Variants in ADGRV1 observed in about 807,000 individuals in gnomAD.
The protein encoded by ADGRV1 is G-protein coupled receptor 98.
ADGRV1 carries 359 observed loss-of-function variants against 596.2 expected under a neutral mutation model. The ratio of observed to expected loss-of-function variants is 0.60; its 90% CI spans 0.55 to 0.66. ADGRV1 has a LOEUF of 0.66. Ranked by LOEUF, ADGRV1 falls within the 30% of genes least tolerant of loss-of-function variation. The probability of loss-of-function intolerance (pLI) is 0.00; values close to 1 mark genes in which losing one functional copy is unlikely to be tolerated. For missense variants in ADGRV1, 7,274 were observed against 7,575.6 expected, an observed-to-expected ratio of 0.96 and a Z score of 1.48; for synonymous variants, 2,681 against 2,679.2, an observed-to-expected ratio of 1.00 and a Z score of -0.02.
chr5:90,883,130 T>C (rs1415332204), intron 83 of ADGRV1, among the ~76,000 whole-genome samples: 2 of 152,216 alleles, frequency 1.3e-5, no homozygotes, highest in Non-Finnish European at 2.9e-5. Context: ...TGAATTGATT[T>C]TGTTTGTTCA....
rs558466658 is a variant in ADGRV1 at position 90,879,118 on chromosome 5, G to A, written c.17856+15261G>A. ...CAGTCTGCATGCAAAAGGAAGGAAG[G>A]AGAACATCTACTAGCAAAAGCTGAA... On this transcript the variant is annotated intron_variant, in intron 83 of 89. Coordinates refer to ENST00000405460, the MANE Select transcript of ADGRV1 (RefSeq NM_032119.4). 7.2e-5 allele frequency among the ~76,000 whole-genome samples: 11 copies of A among 152,282 alleles called. No homozygotes were observed. The South Asian group carries it at 2.3e-3, about 32-fold the overall frequency.
At chr5:90,895,689 A>T (rs533322415) in intron 83 of ADGRV1, among the ~76,000 whole-genome samples, 1 of 152,210 alleles carries the variant, frequency 6.6e-6, no homozygotes, top group Non-Finnish European at 1.5e-5. Context: ...ACTGAGGAGA[A>T]TGCCATTATT....
At chr5:90,991,124 G>A (rs1042639072) in intron 85 of ADGRV1, among the ~76,000 whole-genome samples, 2 of 152,082 alleles carry the variant, frequency 1.3e-5, no homozygotes, top group African/African-American at 4.8e-5. Context: ...ACAGAGGTGA[G>A]AGGACAATGA....
At chr5:91,027,487 A>G (rs1319789611) in intron 85 of ADGRV1, among the ~76,000 whole-genome samples, 3 of 152,142 alleles carry the variant, frequency 2.0e-5, no homozygotes, top group Non-Finnish European at 4.4e-5. Flanking sequence ...GAAACAGCAT[A>G]AGAAGGAAAG....
intron 87 of ADGRV1, among the ~76,000 whole-genome samples, chr5:91,137,174 C>T (rs1794710350): frequency 6.6e-6 from 1 of 151,566 alleles, no homozygotes; most frequent in Admixed American, 6.6e-5. Context: ...TGACCTTGAA[C>T]TCCTGGGCTC....
chr5:90,968,199 G>C (rs944972180), intron 84 of ADGRV1, among the ~76,000 whole-genome samples: 1 of 152,134 alleles, frequency 6.6e-6, no homozygotes, highest in Non-Finnish European at 1.5e-5. Context: ...TCAAAAATTA[G>C]GGAAGGAAAT....
intron 83 of ADGRV1, among the ~76,000 whole-genome samples, chr5:90,958,304 GAA>G (rs1214749363): frequency 8.4e-6 from 1 of 119,708 alleles, no homozygotes; most frequent in Non-Finnish European, 1.7e-5. Flanking sequence ...AAAAAAAAAA[GAA>G]AAGAAAAGAA....
Position 91,075,711 on chromosome 5 carries a change from T to G in ADGRV1, c.18310+3107T>G, listed in dbSNP as rs184614828. ...GGTATCTCTGGTTCTACTCTTTTTCTTCTCCATTTCATTATCTCAGATGTC... is the reference window on the plus strand; with the variant it reads ...GGTATCTCTGGTTCTACTCTTTTTCGTCTCCATTTCATTATCTCAGATGTC... On this transcript the variant is annotated intron_variant, in intron 86 of 89. Coordinates refer to ENST00000405460, the MANE Select transcript of ADGRV1 (RefSeq NM_032119.4). 4.6e-3 allele frequency among the ~76,000 whole-genome samples: 693 copies of G among 152,290 alleles called. 10 individuals carry two copies. The highest frequency in any genetic ancestry group is 0.016 in the African/African-American group (651 of 41,572).
Position 90,627,301 on chromosome 5 carries a change from A to G in ADGRV1, c.763A>G (p.Ile255Val), listed in dbSNP as rs549145728. Reference sequence around the variant, plus strand: ...CACCTCTAGGAATTCCATTGAGATCATCATTAAGAAAAATGATAGTCCCGT... The same window carrying G: ...CACCTCTAGGAATTCCATTGAGATCGTCATTAAGAAAAATGATAGTCCCGT... The part of the protein sequence containing the change: ...INTSRNSIEI[I>V]IKKNDSPVRF... Residue 255 changes from isoleucine to valine, a missense_variant, in exon 7 of 90, where the codon ATC becomes GTC. Ile to Val is a conservative substitution (Grantham distance 29). Transcript: ENST00000405460. The G allele has an allele frequency of 6.2e-7, 1 of 1,612,326 alleles. No homozygotes were observed. The highest frequency in any genetic ancestry group is 2.2e-5 in the East Asian group (1 of 44,850).
At position 90,887,128 on chromosome 5, in the gene ADGRV1, T is replaced by C. The variant is rs141764863; in HGVS notation, c.17856+23271T>C. ...TCAATTCCACATCATAATATGGCTG[T>C]TAAGACTGTATCACCAGCTCCGGTC... is the stretch of plus-strand genomic sequence containing the variant. On this transcript the variant is annotated intron_variant, in intron 83 of 89. Transcript: ENST00000405460. Among the ~76,000 whole-genome samples, 298 of 152,266 alleles carry C rather than the reference T, an allele frequency of 2.0e-3. 1 individual carries two copies. Among genetic ancestry groups the C allele is most frequent in the African/African-American group, 6.6e-3 (275 of 41,554 alleles).
chr5:90,595,910 G>A (rs570874854), intron 1 of ADGRV1, among the ~76,000 whole-genome samples: 11,149 of 130,896 alleles, frequency 0.085, 1,349 homozygotes, highest in African/African-American at 0.28. Flanking sequence ...CCTCCCTCCC[G>A]GATGGGGTGG....
chr5:90,968,363 A>G (rs937745127), intron 84 of ADGRV1, among the ~76,000 whole-genome samples: 16 of 152,246 alleles, frequency 1.1e-4, no homozygotes, highest in African/African-American at 3.9e-4. Flanking sequence ...TTTCAGGGGC[A>G]TTAGACAAAA....
intron 16 of ADGRV1, among the ~76,000 whole-genome samples, chr5:90,646,950 T>G (rs1219242436): frequency 6.6e-6 from 1 of 152,062 alleles, no homozygotes; most frequent in Non-Finnish European, 1.5e-5. Context: ...ATTTTTGTAT[T>G]TTTAGTAGAG....
intron 83 of ADGRV1, among the ~76,000 whole-genome samples, chr5:90,911,992 G>C (rs1481473944): frequency 6.6e-6 from 1 of 151,964 alleles, no homozygotes; most frequent in Admixed American, 6.6e-5. Flanking sequence ...TTCAAATCTT[G>C]GCTCTGCTAA....
chr5:90,608,696 G>C (rs1035771574), intron 1 of ADGRV1, among the ~76,000 whole-genome samples: 9 of 151,886 alleles, frequency 5.9e-5, no homozygotes, highest in African/African-American at 2.2e-4. Flanking sequence ...TCAAAACAAG[G>C]GAATAAACCA....
At chr5:90,945,710 A>G (rs952599799) in intron 83 of ADGRV1, among the ~76,000 whole-genome samples, 1 of 152,164 alleles carries the variant, frequency 6.6e-6, no homozygotes, top group Non-Finnish European at 1.5e-5. Flanking sequence ...TTTCAGCCAG[A>G]CATAGTGGCT....
chr5:91,081,813 A>G (rs967074602), intron 86 of ADGRV1, among the ~76,000 whole-genome samples: 1 of 152,138 alleles, frequency 6.6e-6, no homozygotes, highest in Admixed American at 6.6e-5. Flanking sequence ...ATAAAAATTT[A>G]AAAAATAAAA....
chr5:90,809,079 T>C (rs557309033), intron 73 of ADGRV1, among the ~76,000 whole-genome samples: 407 of 151,526 alleles, frequency 2.7e-3, no homozygotes, highest in African/African-American at 9.3e-3. Flanking sequence ...CCCGAGTAGC[T>C]GGGAGTAGTT....
In ADGRV1 at chr5:91,150,085, T is replaced by C. The variant is rs771877971; in HGVS notation, c.18488T>C (p.Met6163Thr). Reference sequence around the variant, plus strand: ...TTACACAACCAAATGTGTTGCCCTATGAAGGCCAGTTACACTGTGGAAATG... The same window carrying C: ...TTACACAACCAAATGTGTTGCCCTACGAAGGCCAGTTACACTGTGGAAATG... ...FILHNQMCCPMKASYTVEMNG... is the reference protein window; with the variant it reads ...FILHNQMCCPTKASYTVEMNG... Residue 6163 changes from methionine to threonine, a missense_variant, in exon 88 of 90, where the codon ATG (methionine) becomes ACG (threonine). Physicochemically the swap from Met to Thr is moderately conservative, Grantham distance 81. This residue lies in a region of ADGRV1 where 1,874 missense variants were observed against 1,970.2 expected (regional missense o/e 0.95). Coordinates refer to ENST00000405460, the MANE Select transcript of ADGRV1 (RefSeq NM_032119.4). 5.8e-6 allele frequency: 9 copies of C among 1,560,764 alleles called. No individual in the cohort carries two copies. Among genetic ancestry groups the C allele is most frequent in the Non-Finnish European group, 6.9e-6 (8 of 1,152,328 alleles).
Sources: allele counts gnomAD v4.1 joint callset (sites outside exome capture counted in the v4.1 genomes callset), GRCh38; gene constraint gnomAD v4.1.1; regional missense constraint gnomAD v4.1.1; transcripts MANE v1.5; gene names NCBI Gene and HGNC (gene_info 2026-07-23, HGNC 2026-07-21).